ELAVL4: variants seen among roughly 807,000 people sequenced by gnomAD.
The protein encoded by ELAVL4 is ELAV-like protein 4.
Under a neutral mutation model 35.6 loss-of-function variants are expected in ELAVL4, and 1 was observed. That is an observed-to-expected ratio of 0.03 (90% CI 0.01 to 0.13). The LOEUF (loss-of-function observed/expected upper bound fraction) is 0.13. Among genes scored for constraint, ELAVL4 ranks in the 10% least tolerant of loss-of-function variants. The pLI is 1.00. For missense variants in ELAVL4, 267 were observed against 464.9 expected, an observed-to-expected ratio of 0.57 and a Z score of 3.91; for synonymous variants, 156 against 171.0, an observed-to-expected ratio of 0.91 and a Z score of 0.69.
chr1:50,123,403 T>C (rs897130443), intron 1 of ELAVL4, among the ~76,000 whole-genome samples: 4 of 151,994 alleles, frequency 2.6e-5, no homozygotes, highest in Admixed American at 6.6e-5. Context: ...CATGAAGTGG[T>C]GATATACTAC....
At chr1:50,163,174 T>A (rs1677103558) in intron 2 of ELAVL4, among the ~76,000 whole-genome samples, 1 of 152,246 alleles carries the variant, frequency 6.6e-6, no homozygotes, top group African/African-American at 2.4e-5. Context: ...GCCTATTGCC[T>A]GGCTGTCTCC....
chr1:50,194,749 T>C (rs1164125223), intron 4 of ELAVL4, among the ~76,000 whole-genome samples: 1 of 152,012 alleles, frequency 6.6e-6, no homozygotes, highest in East Asian at 1.9e-4. Flanking sequence ...GGAGAAGGTG[T>C]GCCATGCCTG....
At chr1:50,109,793 C>A in intron 1 of ELAVL4, 2 of 872,930 alleles carry the variant, frequency 2.3e-6, no homozygotes, top group East Asian at 2.7e-5. Context: ...AAAGAGGAGG[C>A]GGCTTGTATG....
intron 1 of ELAVL4, among the ~76,000 whole-genome samples, chr1:50,135,860 C>T (rs1036136525): frequency 6.6e-6 from 1 of 152,138 alleles, no homozygotes; most frequent in African/African-American, 2.4e-5. Context: ...CCACAGTCCC[C>T]TAGTCCAGTG....
chr1:50,067,933 A>G (rs916954726), intron 1 of ELAVL4, among the ~76,000 whole-genome samples: 1 of 152,150 alleles, frequency 6.6e-6, no homozygotes, highest in Non-Finnish European at 1.5e-5. Flanking sequence ...ACTCGCTATC[A>G]CAAGAACAGC....
intron 1 of ELAVL4, among the ~76,000 whole-genome samples, chr1:50,075,922 G>A (rs1664742202): frequency 6.6e-6 from 1 of 152,044 alleles, no homozygotes; most frequent in Non-Finnish European, 1.5e-5. Flanking sequence ...CCACCTCCCG[G>A]GTTCAAGCGA....
At chr1:50,177,767 C>T (rs1432195220) in intron 3 of ELAVL4, among the ~76,000 whole-genome samples, 1 of 152,092 alleles carries the variant, frequency 6.6e-6, no homozygotes, top group African/African-American at 2.4e-5. Context: ...ATAAACGCAC[C>T]AGTGTAATAG....
intron 2 of ELAVL4, among the ~76,000 whole-genome samples, chr1:50,172,570 C>T (rs994659144): frequency 2.0e-5 from 3 of 152,144 alleles, no homozygotes; most frequent in Non-Finnish European, 4.4e-5. Flanking sequence ...CAGCTACACT[C>T]ATTTGTTTAC....
chr1:50,166,440 A>C (rs1449029746), intron 2 of ELAVL4, among the ~76,000 whole-genome samples: 5 of 152,228 alleles, frequency 3.3e-5, no homozygotes, highest in Non-Finnish European at 7.3e-5. Context: ...AGGAAATAAA[A>C]TAAAGACATT....
intron 1 of ELAVL4, among the ~76,000 whole-genome samples, chr1:50,082,479 A>C (rs1025022061): frequency 4.6e-5 from 7 of 152,216 alleles, no homozygotes; most frequent in African/African-American, 1.7e-4. Flanking sequence ...TCTTCTTTTG[A>C]GAAGTGTCTG....
At chr1:50,128,894 C>T (rs555919274) in intron 1 of ELAVL4, among the ~76,000 whole-genome samples, 1 of 152,148 alleles carries the variant, frequency 6.6e-6, no homozygotes, top group Admixed American at 6.5e-5. Flanking sequence ...CCAGGCTCTG[C>T]ACCATGTGAA....
At chr1:50,136,672 C>T (rs993118007) in intron 1 of ELAVL4, among the ~76,000 whole-genome samples, 1 of 152,158 alleles carries the variant, frequency 6.6e-6, no homozygotes, top group African/African-American at 2.4e-5. Flanking sequence ...ATTCCTTTAA[C>T]ATCTTTCTCG....
At chr1:50,165,800 A>G (rs987312934) in intron 2 of ELAVL4, among the ~76,000 whole-genome samples, 1 of 150,604 alleles carries the variant, frequency 6.6e-6, no homozygotes, top group African/African-American at 2.4e-5. Flanking sequence ...ATATATGTGT[A>G]TATGTGTGTG....
chr1:50,203,499 A>G lies in ELAVL4; in HGVS notation c.*2321A>G, dbSNP rs1328024124. 6.6e-6 allele frequency: 1 copy of G among 152,072 alleles called. No homozygotes were observed. The allele number at this position is 152,072 out of a possible 1,614,324, so 9.4% of individuals were successfully genotyped here. A position where few individuals can be genotyped will look rare whatever the true frequency, so the allele number is the denominator to read the frequency against. ...CTATGAATGAACGTAGTTTGCTGGC[A>G]AAGTTTTGATGCATTTGCTAAGCAT... On this transcript the variant is annotated 3_prime_UTR_variant, in exon 7 of 7. Coordinates refer to ENST00000371824, the MANE Select transcript of ELAVL4 (RefSeq NM_001144774.3).
intron 1 of ELAVL4, among the ~76,000 whole-genome samples, chr1:50,114,248 G>A (rs1667567921): frequency 6.6e-6 from 1 of 152,020 alleles, no homozygotes; most frequent in South Asian, 2.1e-4. Flanking sequence ...ATGGGGGGCG[G>A]TGGGCAGGAT....
At chr1:50,091,885 TC>T (rs1198909288) in intron 1 of ELAVL4, among the ~76,000 whole-genome samples, 1 of 152,214 alleles carries the variant, frequency 6.6e-6, no homozygotes, top group African/African-American at 2.4e-5. Flanking sequence ...ATTAAGTGGC[TC>T]GCTTAAGGTC....
chr1:50,201,293 C>A lies in ELAVL4; in HGVS notation c.*115C>A. ...AAACAAACTTTTCAAGGCTTATATTCAACCATGGACTTTATAAGCCAGTGT... is the reference window on the plus strand; with the variant it reads ...AAACAAACTTTTCAAGGCTTATATTAAACCATGGACTTTATAAGCCAGTGT... On this transcript the variant is annotated 3_prime_UTR_variant, in exon 7 of 7. Transcript: ENST00000371824. The surrounding 1 kb of genome is among the most constrained non-coding windows in gnomAD (Gnocchi z 4.3). The A allele has an allele frequency of 7.9e-7, 1 of 1,266,888 alleles. No individual in the cohort carries two copies. The highest frequency in any genetic ancestry group is 1.0e-6 in the Non-Finnish European group (1 of 960,280). 78.5% of individuals were successfully genotyped at this position (1,266,888 alleles called of 1,614,324 possible).
intron 1 of ELAVL4, among the ~76,000 whole-genome samples, chr1:50,067,238 G>T (rs1385024169): frequency 6.6e-6 from 1 of 152,174 alleles, no homozygotes; most frequent in Non-Finnish European, 1.5e-5. Flanking sequence ...CAGAAATGTG[G>T]TTAAAATGGT....
upstream of ELAVL4, chr1:50,106,088 C>T (rs1254122679): frequency 9.4e-6 from 4 of 427,000 alleles, no homozygotes; most frequent in East Asian, 9.9e-5. Context: ...ATTTCTGTTC[C>T]TTCCTTTTGG....
Sources: gnomAD v4.1 joint callset for allele counts (sites outside exome capture counted in the v4.1 genomes callset) on GRCh38, gnomAD v4.1.1 for gene constraint, Gnocchi (gnomAD v3.1) non-coding constraint, MANE v1.5 for transcripts, NCBI Gene and HGNC (gene_info 2026-07-23, HGNC 2026-07-21) for gene names.